The following TBC1D12 variants were observed in gnomAD, a reference collection of about 807,000 sequenced individuals.
TBC1D12 encodes the protein TBC1 domain family, member 12.
In TBC1D12, 56 loss-of-function variants were observed where a neutral mutation model predicts 86.7. The ratio of observed to expected loss-of-function variants is 0.65; its 90% CI spans 0.52 to 0.81. The LOEUF is 0.81. Among genes scored for constraint, TBC1D12 ranks in the 30% least tolerant of loss-of-function variants. The pLI is 0.00. For missense variants in TBC1D12, 1,023 were observed against 1,038.8 expected (o/e 0.98, Z 0.21); for synonymous variants, 421 against 411.7 (o/e 1.02, Z -0.27).
At chr10:94,418,412 G>C (rs2055028493) in intron 1 of TBC1D12, among the ~76,000 whole-genome samples, 2 of 152,080 alleles carry the variant, frequency 1.3e-5, no homozygotes, top group South Asian at 4.1e-4. Context: ...GCTGAATTTT[G>C]TTTTATAACT....
chr10:94,458,361 G>A (rs1334706016), intron 2 of TBC1D12, among the ~76,000 whole-genome samples: 2 of 152,172 alleles, frequency 1.3e-5, no homozygotes, highest in Admixed American at 6.5e-5. Flanking sequence ...CTCATTAGAT[G>A]TAGCCCCTTG....
intron 1 of TBC1D12, among the ~76,000 whole-genome samples, chr10:94,413,909 A>G (rs1033279739): frequency 2.0e-5 from 3 of 152,158 alleles, no homozygotes; most frequent in African/African-American, 7.2e-5. Flanking sequence ...AAGTACTGTA[A>G]TGTACAACTA....
rs551853724 is a variant in TBC1D12 at position 94,437,073 on chromosome 10, T to C, written c.972-4823T>C. Among the ~76,000 whole-genome samples, 5 of 151,808 alleles carry C rather than the reference T, an allele frequency of 3.3e-5. No homozygotes were observed. In the South Asian group the frequency reaches 1.0e-3, roughly 32 times the overall value. The stretch of plus-strand genomic sequence containing the variant: ...TTTGGTGGACAATTTTTTTTTTTCC[T>C]TTCTGACCTTTAAATATGTAATCTT... On this transcript the variant is annotated intron_variant, in intron 1 of 12. Transcript: ENST00000225235.
At chr10:94,529,730 G>C (rs995596501) in intron 11 of TBC1D12, among the ~76,000 whole-genome samples, 6 of 152,066 alleles carry the variant, frequency 3.9e-5, no homozygotes, top group Non-Finnish European at 7.3e-5. Context: ...ATGGGACTGA[G>C]ATCCAAGTTT....
At chr10:94,419,530 G>A (rs1266863519) in intron 1 of TBC1D12, among the ~76,000 whole-genome samples, 1 of 152,046 alleles carries the variant, frequency 6.6e-6, no homozygotes, top group Non-Finnish European at 1.5e-5. Flanking sequence ...AAAATTAGCT[G>A]GACGTGGTGG....
chr10:94,445,088 C>T (rs934805257), intron 2 of TBC1D12, among the ~76,000 whole-genome samples: 21 of 148,044 alleles, frequency 1.4e-4, no homozygotes, highest in Admixed American at 4.7e-4. Context: ...GGGCCGGGAG[C>T]GGTGGCTCAA....
intron 2 of TBC1D12, among the ~76,000 whole-genome samples, chr10:94,464,935 C>G (rs2055784418): frequency 6.6e-6 from 1 of 152,112 alleles, no homozygotes; most frequent in African/African-American, 2.4e-5. Context: ...TACTCTTGCA[C>G]TTAGTTTTTT....
chr10:94,470,870 TTTA>T (rs149858431), intron 2 of TBC1D12, among the ~76,000 whole-genome samples: 3,314 of 152,128 alleles, frequency 0.022, 121 homozygotes, highest in African/African-American at 0.074. Context: ...TTAAAGCTTT[TTTA>T]TTATTATTAC....
At chr10:94,472,731 A>C (rs763813674) in intron 2 of TBC1D12, among the ~76,000 whole-genome samples, 2 of 152,206 alleles carry the variant, frequency 1.3e-5, no homozygotes, top group Non-Finnish European at 2.9e-5. Flanking sequence ...ATTAGGAAAG[A>C]AAATTGGAAA....
intron 1 of TBC1D12, among the ~76,000 whole-genome samples, chr10:94,420,880 C>T (rs887669241): frequency 2.6e-5 from 4 of 152,058 alleles, no homozygotes; most frequent in Admixed American, 2.0e-4. Context: ...TTTTAATTGA[C>T]GAATGTATAT....
chr10:94,419,141 G>A (rs1195104074), intron 1 of TBC1D12, among the ~76,000 whole-genome samples: 1 of 152,116 alleles, frequency 6.6e-6, no homozygotes, highest in Non-Finnish European at 1.5e-5. Context: ...CCGAAGTGCT[G>A]GGATTACAGG....
chr10:94,474,725 A>G lies in TBC1D12; in HGVS notation c.1153A>G (p.Lys385Glu), dbSNP rs952624378. The change falls in exon 3 of 13, where the codon AAG becomes GAG. Residue 385 changes from lysine (K) to glutamate (E), a missense_variant. Around this residue, in one of 2 missense-constraint regions of TBC1D12, gnomAD observed 395 missense variants for 507.7 expected, o/e 0.78. Transcript: ENST00000225235. The stretch of plus-strand genomic sequence containing the variant: ...ACCACCACCTCAGTCTTCAAGACGC[A>G]AGAATTTTGAATTTGAGCCGCTTTC... ...CKPPPQSSRRKNFEFEPLSTT... is the reference protein window; with the variant it reads ...CKPPPQSSRRENFEFEPLSTT... The G allele has an allele frequency of 1.2e-6, 2 of 1,614,140 alleles. No individual in the cohort carries two copies. The highest frequency in any genetic ancestry group is 1.7e-5 in the Admixed American group (1 of 60,020).
At chr10:94,467,328 G>A (rs1311474663) in intron 2 of TBC1D12, among the ~76,000 whole-genome samples, 1 of 152,106 alleles carries the variant, frequency 6.6e-6, no homozygotes, top group African/African-American at 2.4e-5. Flanking sequence ...TGCCTCCTGG[G>A]TTCAAGCGAT....
intron 3 of TBC1D12, among the ~76,000 whole-genome samples, chr10:94,492,947 C>T (rs1383545671): frequency 1.3e-5 from 2 of 152,036 alleles, no homozygotes; most frequent in South Asian, 4.2e-4. Context: ...TAACAAATAA[C>T]CTAAAAATAT....
chr10:94,422,565 C>CTGTTTCCTGATAAATTG (rs1437970295), intron 1 of TBC1D12, among the ~76,000 whole-genome samples: 3 of 151,990 alleles, frequency 2.0e-5, no homozygotes, highest in African/African-American at 7.2e-5. Context: ...GGACTCCTAT[C>CTGTTTCCTGATAAATTG]AGGAAACAGT....
intron 1 of TBC1D12, among the ~76,000 whole-genome samples, chr10:94,411,730 G>C (rs190207264): frequency 4.6e-5 from 7 of 152,128 alleles, no homozygotes; most frequent in East Asian, 1.9e-4. Context: ...AGCCCAAGGT[G>C]GGGGGACTGC....
intron 1 of TBC1D12, among the ~76,000 whole-genome samples, chr10:94,404,528 C>G (rs1413217305): frequency 6.6e-6 from 1 of 151,568 alleles, no homozygotes; most frequent in Non-Finnish European, 1.5e-5. Context: ...TGCTTGTAAT[C>G]CCAGCTACTC....
At chr10:94,407,954 A>G (rs2134045755) in intron 1 of TBC1D12, among the ~76,000 whole-genome samples, 1 of 152,346 alleles carries the variant, frequency 6.6e-6, no homozygotes, top group Middle Eastern at 3.4e-3. Context: ...TGACAGAGTG[A>G]GACCATGTCT....
intron 3 of TBC1D12, among the ~76,000 whole-genome samples, chr10:94,483,028 A>G (rs1021179431): frequency 1.7e-4 from 24 of 142,952 alleles, no homozygotes; most frequent in Non-Finnish European, 3.4e-4. Context: ...TATGAACCAC[A>G]TATTCTTCTT....
Sources: allele counts gnomAD v4.1 joint callset (sites outside exome capture counted in the v4.1 genomes callset), GRCh38; gene constraint gnomAD v4.1.1; regional missense constraint gnomAD v4.1.1; transcripts MANE v1.5; gene names NCBI Gene and HGNC (gene_info 2026-07-23, HGNC 2026-07-21).